The following EXT1 variants were observed in gnomAD, a reference collection of about 807,000 sequenced individuals.
EXT1 encodes exostosin-1.
Under a neutral mutation model 82.5 loss-of-function variants are expected in EXT1, and 20 were observed. That is an observed-to-expected ratio of 0.24 (90% confidence interval 0.17 to 0.35). The LOEUF is 0.35. EXT1 is among the 10% of genes least tolerant of loss of function. The pLI is 1.00. For synonymous variants in EXT1, 348 were observed against 350.8 expected (o/e 0.99, Z 0.09); for missense variants, 757 against 936.5 (o/e 0.81, Z 2.50).
At chr8:117,832,881 T>G (rs1415539230) in intron 3 of EXT1, among the ~76,000 whole-genome samples, 2 of 152,168 alleles carry the variant, frequency 1.3e-5, no homozygotes, top group Non-Finnish European at 2.9e-5. Flanking sequence ...TAATTCCAAT[T>G]TGGCTGGATT....
At chr8:117,904,660 G>A (rs1217171218) in intron 1 of EXT1, among the ~76,000 whole-genome samples, 2 of 152,144 alleles carry the variant, frequency 1.3e-5, no homozygotes, top group Non-Finnish European at 2.9e-5. Flanking sequence ...ATTCCCAGAA[G>A]AGGGGTACAC....
At chr8:117,997,301 TTA>T (rs937567937) in intron 1 of EXT1, among the ~76,000 whole-genome samples, 1 of 142,990 alleles carries the variant, frequency 7.0e-6, no homozygotes, top group African/African-American at 2.6e-5. Flanking sequence ...ATAATATACT[TTA>T]TATATATATA....
At chr8:117,801,268 G>A (rs1194367330) in intron 10 of EXT1, among the ~76,000 whole-genome samples, 1 of 152,196 alleles carries the variant, frequency 6.6e-6, no homozygotes, top group Non-Finnish European at 1.5e-5. Flanking sequence ...ATCTACCCAG[G>A]TAATAACATC....
At chr8:117,846,922 T>A (rs1270395786) in intron 1 of EXT1, among the ~76,000 whole-genome samples, 1 of 152,132 alleles carries the variant, frequency 6.6e-6, no homozygotes, top group African/African-American at 2.4e-5. Flanking sequence ...TAACTTCCAC[T>A]CCTGCTGCCT....
chr8:117,885,900 GC>G (rs1334175128), intron 1 of EXT1, among the ~76,000 whole-genome samples: 1 of 152,130 alleles, frequency 6.6e-6, no homozygotes, highest in Non-Finnish European at 1.5e-5. Flanking sequence ...GTGGACATTG[GC>G]CCTTTGACCT....
intron 1 of EXT1, among the ~76,000 whole-genome samples, chr8:118,052,885 C>T (rs894472177): frequency 1.3e-5 from 2 of 152,170 alleles, no homozygotes; most frequent in Non-Finnish European, 2.9e-5. Context: ...CAGGACACCT[C>T]CTTTGTGTGC....
At chr8:117,960,202 C>A (rs1459447217) in intron 1 of EXT1, among the ~76,000 whole-genome samples, 6 of 152,084 alleles carry the variant, frequency 3.9e-5, no homozygotes, top group Non-Finnish European at 8.8e-5. Context: ...CAGAGCGAGA[C>A]TCCATCTCAA....
At chr8:117,934,034 G>A (rs147267199) in intron 1 of EXT1, among the ~76,000 whole-genome samples, 7 of 152,108 alleles carry the variant, frequency 4.6e-5, no homozygotes, top group Non-Finnish European at 8.8e-5. Flanking sequence ...TCTGGACACA[G>A]GATATCTCTC....
intron 1 of EXT1, among the ~76,000 whole-genome samples, chr8:117,913,087 T>C (rs919931692): frequency 6.6e-6 from 1 of 151,836 alleles, no homozygotes; most frequent in Non-Finnish European, 1.5e-5. Flanking sequence ...AGCTGGGTGG[T>C]CGCGTGTACC....
intron 1 of EXT1, among the ~76,000 whole-genome samples, chr8:117,924,225 C>T (rs1397340689): frequency 6.6e-6 from 1 of 152,168 alleles, no homozygotes. Context: ...TTACTGACTG[C>T]CCACCATATG....
intron 1 of EXT1, among the ~76,000 whole-genome samples, chr8:117,926,872 T>G (rs1259301032): frequency 6.6e-6 from 1 of 152,226 alleles, no homozygotes; most frequent in African/African-American, 2.4e-5. Context: ...CAGTGTCTCT[T>G]GGTTTAAAGG....
rs773393953 is a variant in EXT1 at position 117,807,227 on chromosome 8, T to C, written c.1873A>G (p.Ile625Val). ...GTCCAGATTCCTCACTTGTGGTAAA[T>C]AGCAGCTCCTGTCAACACCATGGAG... is the stretch of plus-strand genomic sequence containing the variant. ...DYSMVLTGAA[I>V]YHKYYHYLYS... is the part of the protein sequence containing the mutation. The change falls in exon 9 of 11, where the codon ATT becomes GTT. Residue 625 changes from isoleucine (I) to valine (V), a missense_variant. Transcript: ENST00000378204. 23 of 1,614,084 alleles carry C rather than the reference T, an allele frequency of 1.4e-5. No individual in the cohort carries two copies. The highest frequency in any genetic ancestry group is 1.9e-5 in the Non-Finnish European group (22 of 1,180,042).
At chr8:118,021,149 A>T (rs1586347495) in intron 1 of EXT1, among the ~76,000 whole-genome samples, 1 of 152,338 alleles carries the variant, frequency 6.6e-6, no homozygotes, top group African/African-American at 2.4e-5. Flanking sequence ...TATTTAAAAA[A>T]TTTTTAAAAG....
chr8:117,948,364 T>C (rs1035914240), intron 1 of EXT1, among the ~76,000 whole-genome samples: 2 of 148,366 alleles, frequency 1.3e-5, no homozygotes, highest in Admixed American at 6.7e-5. Context: ...ATTTATGAGA[T>C]GCTAACTTTA....
chr8:117,942,186 T>C (rs1252822780), intron 1 of EXT1, among the ~76,000 whole-genome samples: 1 of 152,202 alleles, frequency 6.6e-6, no homozygotes, highest in East Asian at 1.9e-4. Flanking sequence ...ATTCCTTCTA[T>C]TAAGTCTGTA....
At chr8:118,027,515 C>T (rs913840915) in intron 1 of EXT1, among the ~76,000 whole-genome samples, 3 of 152,140 alleles carry the variant, frequency 2.0e-5, no homozygotes, top group African/African-American at 7.2e-5. Context: ...TTCACACCTC[C>T]CTCTCTCTAC....
At chr8:117,967,041 G>T (rs1425880374) in intron 1 of EXT1, among the ~76,000 whole-genome samples, 2 of 152,168 alleles carry the variant, frequency 1.3e-5, no homozygotes, top group African/African-American at 4.8e-5. Context: ...AAAACATTTT[G>T]CTTCCTCTGT....
intron 1 of EXT1, among the ~76,000 whole-genome samples, chr8:117,964,602 G>T (rs1339330072): frequency 6.7e-5 from 9 of 134,916 alleles, no homozygotes; most frequent in Middle Eastern, 3.7e-3. Context: ...ATTTTTGTGG[G>T]TTTTATGTCT....
At chr8:118,106,454 A>G (rs1817804503) in intron 1 of EXT1, among the ~76,000 whole-genome samples, 1 of 152,230 alleles carries the variant, frequency 6.6e-6, no homozygotes, top group Non-Finnish European at 1.5e-5. Flanking sequence ...AGGATGTTGG[A>G]AGCTGAATGA....
Sources: gnomAD v4.1 joint callset for allele counts (sites outside exome capture counted in the v4.1 genomes callset) on GRCh38, gnomAD v4.1.1 for gene constraint, MANE v1.5 for transcripts, NCBI Gene and HGNC (gene_info 2026-07-23, HGNC 2026-07-21) for gene names.